RP1: variants seen among roughly 807,000 people sequenced by gnomAD.
RP1 encodes the protein oxygen-regulated protein 1.
Under a neutral mutation model 14.8 loss-of-function variants are expected in RP1, and 16 were observed. That is an observed-to-expected ratio of 1.08 (90% CI 0.73 to 1.65). The LOEUF (loss-of-function observed/expected upper bound fraction) is 1.65. RP1 is among the 40% of genes most tolerant of loss of function. RP1 has a pLI of 0.00. For synonymous variants in RP1, 876 were observed against 883.6 expected (o/e 0.99, Z 0.15); for missense variants, 2,631 against 2,535.0 (o/e 1.04, Z -0.81).
chr8:54,707,808 G>GCACA (rs1808187068), intron 15 of RP1, among the ~76,000 whole-genome samples: 1 of 152,182 alleles, frequency 6.6e-6, no homozygotes, highest in Non-Finnish European at 1.5e-5. Context: ...CGAAGCACAT[G>GCACA]CACATACACA....
intron 27 of RP1, among the ~76,000 whole-genome samples, chr8:54,857,684 G>A (rs1167292487): frequency 6.6e-6 from 1 of 151,966 alleles, no homozygotes; most frequent in African/African-American, 2.4e-5. Context: ...GACACCCTGG[G>A]CATTCTTCAC....
At chr8:54,735,073 T>C (rs1248666252) in intron 18 of RP1, among the ~76,000 whole-genome samples, 2 of 152,206 alleles carry the variant, frequency 1.3e-5, no homozygotes, top group Non-Finnish European at 2.9e-5. Context: ...ATTCTGGTAA[T>C]GAAAACTCTT....
chr8:54,853,797 AG>A, intron 26 of RP1, among the ~76,000 whole-genome samples: 2 of 150,128 alleles, frequency 1.3e-5, no homozygotes, highest in African/African-American at 5.0e-5. Flanking sequence ...AGAAAGAGAG[AG>A]AGAAAGAAAG....
intron 24 of RP1, among the ~76,000 whole-genome samples, chr8:54,820,245 G>A (rs1225268929): frequency 5.9e-5 from 9 of 152,052 alleles, no homozygotes; most frequent in Admixed American, 2.6e-4. Context: ...TGCTGCCTGG[G>A]GCTGGGGGAG....
At chr8:54,783,621 G>A (rs1585688669) in exon 24 of RP1, 1 of 1,231,428 alleles carries the variant, frequency 8.1e-7, no homozygotes, top group Non-Finnish European at 1.0e-6. Context: ...GTTCCTTTAT[G>A]TCTATGGAGA....
chr8:54,645,452 C>G (rs1014729922), intron 3 of RP1, among the ~76,000 whole-genome samples: 39 of 152,046 alleles, frequency 2.6e-4, no homozygotes, highest in Non-Finnish European at 1.5e-5. Context: ...AGCTTATTTA[C>G]ATTTCTCTAA....
chr8:54,778,014 T>C (rs1442151306), intron 23 of RP1, among the ~76,000 whole-genome samples: 1 of 152,230 alleles, frequency 6.6e-6, no homozygotes, highest in Non-Finnish European at 1.5e-5. Context: ...TGAATATCCT[T>C]CCTCATACAG....
chr8:54,666,322 T>C (rs1265924355), intron 7 of RP1, among the ~76,000 whole-genome samples: 1 of 151,930 alleles, frequency 6.6e-6, no homozygotes, highest in African/African-American at 2.4e-5. Flanking sequence ...TTTGGGTATT[T>C]TTGCCTGCTT....
intron 24 of RP1, among the ~76,000 whole-genome samples, chr8:54,805,581 G>C (rs1280081900): frequency 6.6e-6 from 1 of 152,192 alleles, no homozygotes; most frequent in Non-Finnish European, 1.5e-5. Context: ...GTTCCAAAAA[G>C]TGACTGAGTT....
downstream of RP1, among the ~76,000 whole-genome samples, chr8:54,633,145 C>T (rs1244494262): frequency 6.6e-6 from 1 of 151,974 alleles, no homozygotes; most frequent in East Asian, 1.9e-4. Context: ...GCAGGCATCC[C>T]CCAAATATTA....
rs180811513 is a variant in RP1, at chr8:54,822,677, G to A, written c.3616-14773G>A. On this transcript the variant is annotated intron_variant, in intron 24 of 28. Transcript: ENST00000637698. Reference sequence around the variant, plus strand: ...TGAAGGGAAAAATATAGAGAACTACGCAGAGTAATCCAAGTAGTCCATGAG... The same window carrying A: ...TGAAGGGAAAAATATAGAGAACTACACAGAGTAATCCAAGTAGTCCATGAG... Among the ~76,000 whole-genome samples, 37 of 152,270 alleles carry A rather than the reference G, an allele frequency of 2.4e-4. No individual in the cohort carries two copies. The East Asian group carries it at 2.7e-3, about 11-fold the overall frequency.
intron 19 of RP1, among the ~76,000 whole-genome samples, chr8:54,752,434 G>A (rs538623717): frequency 3.9e-4 from 60 of 152,256 alleles, no homozygotes; most frequent in African/African-American, 1.3e-3. Flanking sequence ...TTCGAAAACC[G>A]TCACAAACAT....
downstream of RP1, among the ~76,000 whole-genome samples, chr8:54,773,048 G>T (rs78533240): frequency 6.6e-6 from 1 of 151,972 alleles, no homozygotes; most frequent in South Asian, 2.1e-4. Flanking sequence ...TTCACTAAGG[G>T]TGTATCCCCC....
chr8:54,599,231 G>A (rs1381916219), intron 1 of RP1, among the ~76,000 whole-genome samples: 1 of 151,852 alleles, frequency 6.6e-6, no homozygotes, highest in African/African-American at 2.4e-5. Context: ...CCATGATGCT[G>A]TTGAGCCCAC....
chr8:54,596,574 C>A (rs574975731), intron 1 of RP1, among the ~76,000 whole-genome samples: 3 of 152,126 alleles, frequency 2.0e-5, no homozygotes, highest in African/African-American at 7.2e-5. Flanking sequence ...ATTTACCCAA[C>A]TCTTGATTTA....
At chr8:54,781,841 C>T (rs187710348) in intron 23 of RP1, among the ~76,000 whole-genome samples, 68 of 152,222 alleles carry the variant, frequency 4.5e-4, no homozygotes, top group African/African-American at 1.6e-3. Context: ...CCCTTAAGGC[C>T]TATGTCATCG....
chr8:54,684,543 G>A (rs897879307), intron 12 of RP1, among the ~76,000 whole-genome samples: 1 of 151,914 alleles, frequency 6.6e-6, no homozygotes, highest in African/African-American at 2.4e-5. Context: ...GTCTTGCGGG[G>A]GTGTGTGCAT....
chr8:54,862,955 G>A (rs1812378080), intron 27 of RP1, among the ~76,000 whole-genome samples: 1 of 150,308 alleles, frequency 6.7e-6, no homozygotes, highest in Non-Finnish European at 1.5e-5. Context: ...TTTTAAAGTA[G>A]TTTAAGAGTA....
At chr8:54,685,515 G>C (rs929570125) in intron 12 of RP1, among the ~76,000 whole-genome samples, 3 of 152,154 alleles carry the variant, frequency 2.0e-5, no homozygotes, top group African/African-American at 7.2e-5. Context: ...TGTGATCTGA[G>C]AGACTGTTAT....
Sources: allele counts gnomAD v4.1 joint callset (sites outside exome capture counted in the v4.1 genomes callset), GRCh38; gene constraint gnomAD v4.1.1; transcripts MANE v1.5; gene names NCBI Gene and HGNC (gene_info 2026-07-23, HGNC 2026-07-21).